The following MYO5C variants were observed in gnomAD, a reference collection of about 807,000 sequenced individuals.
MYO5C encodes unconventional myosin-Vc.
MYO5C carries 194 observed loss-of-function variants against 235.7 expected under a neutral mutation model. The observed-to-expected ratio is 0.82, with a 90% CI of 0.73 to 0.93. The LOEUF (loss-of-function observed/expected upper bound fraction) is 0.93. MYO5C is among the 40% of genes least tolerant of loss of function. The pLI is 0.00. For missense variants in MYO5C, 2,038 were observed against 2,127.2 expected (o/e 0.96, Z 0.82); for synonymous variants, 707 against 754.8 (o/e 0.94, Z 1.04).
chr15:52,265,254 A>ATTTCTTTC (rs1251311132), intron 8 of MYO5C: 1 of 152,326 alleles, frequency 6.6e-6, no homozygotes, highest in Non-Finnish European at 1.5e-5. Flanking sequence ...CAGCTGCTAG[A>ATTTCTTTC]AAGGACTGTG....
chr15:52,214,739 TA>T (rs768064287), intron 32 of MYO5C, 49 bp from the exon 33 acceptor site: 14 of 1,256,238 alleles, frequency 1.1e-5, no homozygotes, highest in African/African-American at 1.8e-5. Flanking sequence ...CACTTTAATC[TA>T]TTTTTTTTTT....
intron 1 of MYO5C, among the ~76,000 whole-genome samples, chr15:52,291,268 T>A (rs767115908): frequency 2.6e-4 from 40 of 152,184 alleles, no homozygotes; most frequent in Non-Finnish European, 4.7e-4. Flanking sequence ...GAAGGTGGCC[T>A]GGATGCTGAG....
At chr15:52,291,829 C>T (rs1055660737) in intron 1 of MYO5C, among the ~76,000 whole-genome samples, 2 of 144,060 alleles carry the variant, frequency 1.4e-5, no homozygotes, top group Non-Finnish European at 3.0e-5. Context: ...AGCTTCGCCT[C>T]CCGGGTTCAC....
At chr15:52,257,106 G>A (rs1041761591) in intron 10 of MYO5C, among the ~76,000 whole-genome samples, 12 of 152,218 alleles carry the variant, frequency 7.9e-5, no homozygotes, top group African/African-American at 1.2e-4. Context: ...ACTTAGCTGC[G>A]AAGCTGCCTG....
chr15:52,276,458 A>G (rs1457868653), intron 4 of MYO5C, among the ~76,000 whole-genome samples: 1 of 152,186 alleles, frequency 6.6e-6, no homozygotes, highest in African/African-American at 2.4e-5. Context: ...TGCAGTGCCC[A>G]CCTTCTGCCT....
chr15:52,256,579 A>ACC, intron 11 of MYO5C, 60 bp downstream of exon 11: 1 of 950,680 alleles, frequency 1.1e-6, no homozygotes, highest in East Asian at 2.9e-5. Flanking sequence ...ACACACACAC[A>ACC]CACACACACG....
chr15:52,274,747 T>C (rs2140849451), intron 5 of MYO5C, among the ~76,000 whole-genome samples: 1 of 149,472 alleles, frequency 6.7e-6, no homozygotes, highest in African/African-American at 2.5e-5. Flanking sequence ...CACTTGGAGA[T>C]TGGGTCTTAT....
chr15:52,193,354 A>G lies in MYO5C; in HGVS notation c.*548T>C, dbSNP rs2034978283. On this transcript the variant is annotated 3_prime_UTR_variant, in exon 41 of 41. Transcript: ENST00000261839. ...AAAAAAATTTAGAAGGGTCTAAAAT[A>G]AACATTTTTAAATGCAGGGCATTTT... is the stretch of plus-strand genomic sequence containing the variant. The G allele has an allele frequency of 6.6e-6, 1 of 152,154 alleles. No homozygotes were observed. Among genetic ancestry groups the G allele is most frequent in the Non-Finnish European group, 1.5e-5 (1 of 68,072 alleles). 9.4% of individuals were successfully genotyped at this position (152,154 alleles called of 1,614,324 possible).
At chr15:52,245,111 G>T (rs2036309478) in intron 18 of MYO5C, among the ~76,000 whole-genome samples, 1 of 152,224 alleles carries the variant, frequency 6.6e-6, no homozygotes, top group South Asian at 2.1e-4. Flanking sequence ...TCGTGGGAGA[G>T]CTAAACAGGA....
At chr15:52,266,330 G>A (rs1040590398) in intron 8 of MYO5C, among the ~76,000 whole-genome samples, 38 of 152,242 alleles carry the variant, frequency 2.5e-4, no homozygotes, top group Admixed American at 2.2e-3. Flanking sequence ...CAAGGTGTTC[G>A]TCCCATCAGA....
At chr15:52,287,057 T>C (rs975532222) in intron 1 of MYO5C, among the ~76,000 whole-genome samples, 1 of 151,880 alleles carries the variant, frequency 6.6e-6, no homozygotes, top group African/African-American at 2.4e-5. Flanking sequence ...AACCTATCTA[T>C]TAGTTAATAT....
Position 52,235,774 on chromosome 15 carries a change from G to A in MYO5C, c.2869-11C>T, listed in dbSNP as rs2036068268. 3.8e-6 allele frequency: 6 copies of A among 1,593,860 alleles called. No individual in the cohort carries two copies. In the East Asian group the frequency reaches 1.3e-4, roughly 36 times the overall value. ...AAGCTTTGCCAATTTCTAGCAGAGG[G>A]AAGGGGGAAAAACAAACTTTTTTGA... On this transcript the variant is annotated splice_polypyrimidine_tract_variant and intron_variant, in intron 22 of 40. Transcript: ENST00000261839.
Position 52,232,239 on chromosome 15 carries a change from A to AGGAAGGAG in MYO5C, c.3026+382_3026+383insCTCCTTCC, listed in dbSNP as rs2035974423. 2.0e-5 allele frequency among the ~76,000 whole-genome samples: 3 copies of AGGAAGGAG among 147,870 alleles called. 1 individual carries two copies. In the South Asian group the frequency reaches 6.6e-4, roughly 32 times the overall value. ...AAGAAAATGAAAGAAAGAAGAAAGAAAGAAGGAAGGAGAGAAGGAAGGAAG... is the reference window on the plus strand; with the variant it reads ...AAGAAAATGAAAGAAAGAAGAAAGAAGGAAGGAGAGAAGGAAGGAGAGAAGGAAGGAAG... On this transcript the variant is annotated intron_variant, in intron 24 of 40. Transcript: ENST00000261839.
intron 38 of MYO5C, among the ~76,000 whole-genome samples, chr15:52,203,340 TTA>T (rs2035230458): frequency 6.6e-6 from 1 of 152,134 alleles, no homozygotes; most frequent in South Asian, 2.1e-4. Context: ...CCAAGTTATT[TTA>T]TCTTTTTTAT....
At chr15:52,236,645 C>T (rs1455364823) in intron 22 of MYO5C, 1 of 151,976 alleles carries the variant, frequency 6.6e-6, no homozygotes, top group Non-Finnish European at 1.5e-5. Flanking sequence ...CACCGCACTC[C>T]AGCCCGGATG....
intron 1 of MYO5C, among the ~76,000 whole-genome samples, chr15:52,285,108 C>G (rs1300510196): frequency 6.6e-6 from 1 of 152,176 alleles, no homozygotes; most frequent in East Asian, 1.9e-4. Context: ...TGGCTCACAC[C>G]TGTAATCCCA....
rs573474940 is a variant in MYO5C at position 52,221,293 on chromosome 15, C to T, written c.3628-38G>A. ...ATTAGAAATATTAGAATATAAAATACTTTTATCTATGAACTTTAAAATCTT... is the reference window on the plus strand; with the variant it reads ...ATTAGAAATATTAGAATATAAAATATTTTTATCTATGAACTTTAAAATCTT... On this transcript the variant is annotated intron_variant, in intron 29 of 40. Transcript: ENST00000261839. 58 of 1,414,850 alleles carry T rather than the reference C, an allele frequency of 4.1e-5. No homozygotes were observed. In the South Asian group the frequency reaches 6.9e-4, roughly 17 times the overall value. The allele number at this position is 1,414,850 out of a possible 1,614,324, so 87.6% of individuals were successfully genotyped here.
chr15:52,211,802 G>A lies in MYO5C; in HGVS notation c.4224C>T (p.Asp1408=), dbSNP rs1428155311. The A allele has an allele frequency of 5.6e-6, 9 of 1,614,224 alleles. No homozygotes were observed. Among genetic ancestry groups the A allele is most frequent in the Non-Finnish European group, 7.6e-6 (9 of 1,180,040 alleles). The change falls in exon 35 of 41, where the codon GAC becomes GAT. Residue 1408 remains aspartate (D), a synonymous_variant. Coordinates refer to ENST00000261839, the MANE Select transcript of MYO5C (RefSeq NM_018728.4). ...TCAGCATGTTGGCATCATTCAGAGA[G>A]TCTGCGTAGCGCACACACATGAACA... ...HILFMCVRYA[D]SLNDANMLKS...
At chr15:52,195,488 C>A in intron 39 of MYO5C, 31 bp from the exon 40 acceptor site, 1 of 1,427,056 alleles carries the variant, frequency 7.0e-7, no homozygotes, top group Non-Finnish European at 9.7e-7. Context: ...GGTGTTAGAC[C>A]ATGCAAAATA....
Sources: gnomAD v4.1 joint callset for allele counts (sites outside exome capture counted in the v4.1 genomes callset) on GRCh38, gnomAD v4.1.1 for gene constraint, MANE v1.5 for transcripts, NCBI Gene and HGNC (gene_info 2026-07-23, HGNC 2026-07-21) for gene names.